Variants in CSE1L observed in about 807,000 individuals in gnomAD.
CSE1L encodes the protein chromosome segregation 1 like.
In CSE1L, 24 loss-of-function variants were observed where a neutral mutation model predicts 120.4. The observed-to-expected ratio is 0.20, with a 90% confidence interval of 0.14 to 0.28. The LOEUF (loss-of-function observed/expected upper bound fraction) is 0.28, where lower values mean the gene tolerates loss of function less well. CSE1L is among the 10% of genes least tolerant of loss of function. CSE1L has a pLI of 1.00. For missense variants in CSE1L, 830 were observed against 1,145.2 expected (o/e 0.72, Z 3.97); for synonymous variants, 402 against 398.3 (o/e 1.01, Z -0.11).
At chr20:49,080,270 G>GT (rs796381414) in intron 14 of CSE1L, among the ~76,000 whole-genome samples, 4,800 of 130,056 alleles carry the variant, frequency 0.037, 109 homozygotes, top group Middle Eastern at 0.05. Context: ...TATTTTTTTT[G>GT]TTTTTTTTTT....
At chr20:49,089,001 T>A (rs1463775634) in intron 17 of CSE1L, among the ~76,000 whole-genome samples, 4 of 152,134 alleles carry the variant, frequency 2.6e-5, no homozygotes, top group Non-Finnish European at 4.4e-5. Flanking sequence ...GCACGTGGGC[T>A]TAAGACAAGT....
At chr20:49,056,774 G>A (rs1378127178) in intron 1 of CSE1L, among the ~76,000 whole-genome samples, 2 of 151,242 alleles carry the variant, frequency 1.3e-5, no homozygotes, top group Non-Finnish European at 2.9e-5. Context: ...ATATATTTGT[G>A]GTATGCATGT....
intron 1 of CSE1L, among the ~76,000 whole-genome samples, chr20:49,050,732 A>G (rs1004077580): frequency 6.6e-6 from 1 of 151,778 alleles, no homozygotes; most frequent in Admixed American, 6.6e-5. Context: ...AATTTTTAAA[A>G]TTTTTTGTAG....
chr20:49,052,061 A>C (rs113970028), intron 1 of CSE1L, among the ~76,000 whole-genome samples: 1 of 152,190 alleles, frequency 6.6e-6, no homozygotes, highest in Admixed American at 6.5e-5. Context: ...TGTGGCAGTT[A>C]AGTTGGTCAT....
At chr20:49,080,629 A>G (rs1051995214) in intron 14 of CSE1L, among the ~76,000 whole-genome samples, 38 of 152,106 alleles carry the variant, frequency 2.5e-4, no homozygotes, top group Non-Finnish European at 2.5e-4. Flanking sequence ...AGCATCCACC[A>G]CCACGCCTGG....
rs1568769017 is a variant in CSE1L, at chr20:49,065,312, A to ATTT, written c.229-880_229-879insTTT. Among the ~76,000 whole-genome samples the ATTT allele has an allele frequency of 2.1e-3, 170 of 79,392 alleles. 3 individuals carry two copies. The highest frequency in any genetic ancestry group is 3.3e-3 in the Non-Finnish European group (137 of 41,258). 52.1% of individuals were successfully genotyped at this position (79,392 alleles called of 152,430 possible). ...TAGTTTACATATGAAATGAAAAAAA[A>ATTT]ATTTTTTTTTTTTTTTTTTTTTTTT... is the stretch of plus-strand genomic sequence containing the variant. On this transcript the variant is annotated intron_variant, in intron 3 of 24. Transcript: ENST00000262982.
chr20:49,058,152 C>A (rs925621661), intron 1 of CSE1L, among the ~76,000 whole-genome samples: 1 of 152,028 alleles, frequency 6.6e-6, no homozygotes, highest in Non-Finnish European at 1.5e-5. Flanking sequence ...AGCATTAAAT[C>A]ATATAAACTT....
At chr20:49,075,601 A>G in intron 12 of CSE1L, 81 bp downstream of exon 12, 1 of 1,071,820 alleles carries the variant, frequency 9.3e-7, no homozygotes, top group Admixed American at 2.1e-5. Flanking sequence ...AACGTCTCTG[A>G]TAATAGAGCT....
intron 13 of CSE1L, among the ~76,000 whole-genome samples, chr20:49,078,011 A>C (rs1390077660): frequency 6.6e-6 from 1 of 152,194 alleles, no homozygotes; most frequent in Non-Finnish European, 1.5e-5. Flanking sequence ...CTCAAAAAAA[A>C]AAATTAAGGA....
intron 1 of CSE1L, among the ~76,000 whole-genome samples, chr20:49,055,719 A>G (rs997885903): frequency 6.6e-6 from 1 of 152,148 alleles, no homozygotes; most frequent in Non-Finnish European, 1.5e-5. Flanking sequence ...ACTCTGTCTG[A>G]AAAAATAATA....
Position 49,070,197 on chromosome 20 carries a change from T to C in CSE1L, c.676-8T>C, listed in dbSNP as rs748216631. 3 of 1,323,194 alleles carry C rather than the reference T, an allele frequency of 2.3e-6. No individual in the cohort carries two copies. Among genetic ancestry groups the C allele is most frequent in the Non-Finnish European group, 3.2e-6 (3 of 944,354 alleles). 82.0% of individuals were successfully genotyped at this position (1,323,194 alleles called of 1,614,324 possible). A position where few individuals can be genotyped will look rare whatever the true frequency, so the allele number is the denominator to read the frequency against. On this transcript the variant is annotated splice_polypyrimidine_tract_variant and splice_region_variant and intron_variant, in intron 7 of 24. Transcript: ENST00000262982. The stretch of plus-strand genomic sequence containing the variant: ...ATCAAAAGTTTCAAGTCAGTGTTTA[T>C]TCTGTAGGATCTCCCTGAATTTTTT...
At chr20:49,094,455 C>G (rs1297110302) in intron 23 of CSE1L, among the ~76,000 whole-genome samples, 169 bp downstream of exon 23, 1 of 152,136 alleles carries the variant, frequency 6.6e-6, no homozygotes, top group Non-Finnish European at 1.5e-5. Context: ...TTAGAATGAT[C>G]TTGTTTCCTG....
chr20:49,063,260 A>G lies in CSE1L; in HGVS notation c.144A>G (p.Thr48=). ...AGAATTATCCACTGTTGCTTTTGAC[A>G]TTACTGGAGAAGTCCCAGGATAATG... ...GNQNYPLLLL[T]LLEKSQDNVI... Residue 48 remains threonine, a synonymous_variant, in exon 3 of 25, where the codon ACA becomes ACG. Coordinates refer to ENST00000262982, the MANE Select transcript of CSE1L (RefSeq NM_001316.4). 2.5e-6 allele frequency: 4 copies of G among 1,595,520 alleles called. No homozygotes were observed. In the African/African-American group the frequency reaches 4.0e-5, roughly 16 times the overall value.
At chr20:49,052,761 T>G (rs927207354) in intron 1 of CSE1L, among the ~76,000 whole-genome samples, 4 of 152,166 alleles carry the variant, frequency 2.6e-5, no homozygotes, top group African/African-American at 9.7e-5. Context: ...GCTAATTTTT[T>G]GTATATTTAG....
Position 49,072,433 on chromosome 20 carries a change from CAA to C in CSE1L, c.917_918del (p.Gln306ArgfsTer3). 6.2e-7 allele frequency: 1 copy of C among 1,614,040 alleles called. No homozygotes were observed. Among genetic ancestry groups the C allele is most frequent in the Non-Finnish European group, 8.5e-7 (1 of 1,180,022 alleles). On this transcript the variant is annotated frameshift_variant, in exon 9 of 25. Transcript: ENST00000262982. LOFTEE classifies it high-confidence loss of function. The stretch of plus-strand genomic sequence containing the variant: ...CTGGAATTTACTAGTTACAACGGGT[CAA>C]GAGGTTAAATATGATTTGGTAAGAT... Reference protein sequence around the residue: ...AIWNLLVTTGQEVKYDLLVSN... With the variant: ...AIWNLLVTTGXEVKYDLLVSN...
In CSE1L at chr20:49,085,373, A is replaced by G. The variant is rs1458156022; in HGVS notation, c.1710A>G (p.Glu570=). ...CACTTCCTGGCTCTTCAGAAAATGA[A>G]TATATTATGAAAGGTAGGCTGTTTC... ...ALTLPGSSEN[E]YIMKAIMRSF... The change falls in exon 16 of 25, where the codon GAA becomes GAG. Residue 570 remains glutamate, a synonymous_variant. Coordinates refer to ENST00000262982, the MANE Select transcript of CSE1L (RefSeq NM_001316.4). 1.9e-6 allele frequency: 3 copies of G among 1,612,996 alleles called. No homozygotes were observed. The highest frequency in any genetic ancestry group is 2.2e-5 in the South Asian group (2 of 91,066).
Position 49,053,472 on chromosome 20 carries a change from C to T in CSE1L, c.-11-4981C>T, listed in dbSNP as rs550165329. ...CTCCCAGGTTCAAGCAATTCTCCTG[C>T]CTCAGCCTCCCAAGTAGCTGGGATT... is the stretch of plus-strand genomic sequence containing the variant. On this transcript the variant is annotated intron_variant, in intron 1 of 24. Coordinates refer to ENST00000262982, the MANE Select transcript of CSE1L (RefSeq NM_001316.4). Among the ~76,000 whole-genome samples the T allele has an allele frequency of 3.7e-3, 550 of 149,602 alleles. 2 individuals carry two copies. Among genetic ancestry groups the T allele is most frequent in the African/African-American group, 0.013 (521 of 40,748 alleles).
intron 1 of CSE1L, among the ~76,000 whole-genome samples, chr20:49,052,883 G>T (rs1166111356): frequency 6.6e-6 from 1 of 152,200 alleles, no homozygotes; most frequent in Non-Finnish European, 1.5e-5. Context: ...CACTGCACCT[G>T]GCCAGGAGTT....
chr20:49,067,362 T>G, intron 6 of CSE1L, 82 bp downstream of exon 6: 1 of 895,006 alleles, frequency 1.1e-6, no homozygotes, highest in Non-Finnish European at 1.7e-6. Flanking sequence ...GAGAATGCTT[T>G]GAAAGCTTAT....
Sources: allele counts gnomAD v4.1 joint callset (sites outside exome capture counted in the v4.1 genomes callset), GRCh38; gene constraint gnomAD v4.1.1; transcripts MANE v1.5; gene names NCBI Gene and HGNC (gene_info 2026-07-23, HGNC 2026-07-21).